Variants in MGRN1 observed in about 807,000 individuals in gnomAD.
MGRN1 encodes mahogunin ring finger 1.
In MGRN1, 29 loss-of-function variants were observed where a neutral mutation model predicts 69.2. That is an observed-to-expected ratio of 0.42 (90% CI 0.31 to 0.57). MGRN1 has a LOEUF of 0.57. Among genes scored for constraint, MGRN1 ranks in the 20% least tolerant of loss-of-function variants. MGRN1 has a pLI of 0.15. For synonymous variants in MGRN1, 470 were observed against 344.2 expected, an observed-to-expected ratio of 1.37 and a Z score of -4.04; for missense variants, 998 against 796.2, an observed-to-expected ratio of 1.25 and a Z score of -3.05.
intron 1 of MGRN1, among the ~76,000 whole-genome samples, chr16:4,627,517 G>A (rs1897738115): frequency 2.0e-5 from 3 of 152,272 alleles, no homozygotes; most frequent in Admixed American, 1.3e-4. Context: ...GCCAGGCGCG[G>A]TGGCTCACGC....
intron 8 of MGRN1, among the ~76,000 whole-genome samples, chr16:4,668,943 CACATAT>C (rs1449451761): frequency 6.6e-6 from 1 of 152,148 alleles, no homozygotes; most frequent in Non-Finnish European, 1.5e-5. Flanking sequence ...ATCACTTGCA[CACATAT>C]ACATAGACAC....
intron 13 of MGRN1, among the ~76,000 whole-genome samples, chr16:4,682,509 C>T (rs2079210387): frequency 1.3e-5 from 2 of 152,210 alleles, no homozygotes; most frequent in African/African-American, 2.4e-5. Flanking sequence ...GAAACGGGGG[C>T]CTCTGTCTCC....
chr16:4,670,435 G>T (rs986450342), intron 8 of MGRN1, among the ~76,000 whole-genome samples: 3 of 152,178 alleles, frequency 2.0e-5, no homozygotes, highest in Non-Finnish European at 4.4e-5. Flanking sequence ...TAGAGATGAG[G>T]TTTTGCCATG....
At chr16:4,654,147 C>T (rs927877850) in intron 4 of MGRN1, among the ~76,000 whole-genome samples, 1 of 152,120 alleles carries the variant, frequency 6.6e-6, no homozygotes, top group African/African-American at 2.4e-5. Flanking sequence ...CAGCCAGCCA[C>T]CTCCAGGAGC....
At chr16:4,664,679 C>G (rs376152509) in intron 5 of MGRN1, 30 bp from the exon 6 acceptor site, 2 of 1,613,472 alleles carry the variant, frequency 1.2e-6, no homozygotes, top group South Asian at 1.1e-5. Flanking sequence ...CTGTGTGGGT[C>G]CTGACCATTC....
intron 8 of MGRN1, 124 bp downstream of exon 8, chr16:4,668,436 C>A: frequency 2.2e-6 from 2 of 918,646 alleles, no homozygotes; most frequent in Non-Finnish European, 1.6e-6. Context: ...CACGCTCATA[C>A]ACACTCATAC....
At chr16:4,626,148 C>A (rs1403134756) in intron 1 of MGRN1, among the ~76,000 whole-genome samples, 2 of 152,236 alleles carry the variant, frequency 1.3e-5, no homozygotes, top group African/African-American at 4.8e-5. Flanking sequence ...TAAGGTGTGA[C>A]TAGGTGAGGG....
At chr16:4,683,695 G>A (rs550190052) in intron 15 of MGRN1, 148 bp from the exon 16 acceptor site, 3 of 630,970 alleles carry the variant, frequency 4.8e-6, no homozygotes, top group Admixed American at 2.9e-5. Flanking sequence ...AGCAGGTGGG[G>A]TCACGGTGGA....
At chr16:4,644,305 GTTT>G (rs79613493) in intron 1 of MGRN1, among the ~76,000 whole-genome samples, 6 of 107,596 alleles carry the variant, frequency 5.6e-5, no homozygotes, top group Admixed American at 9.7e-5. Context: ...TCAATTACCA[GTTT>G]TTTTTTTTTT....
chr16:4,676,526 G>A (rs778086799), intron 10 of MGRN1, among the ~76,000 whole-genome samples: 61 of 152,224 alleles, frequency 4.0e-4, no homozygotes, highest in African/African-American at 1.3e-3. Flanking sequence ...CCTCAAGGAC[G>A]TGGCGGTAGA....
In MGRN1 at chr16:4,665,022, G is replaced by T. The variant is rs550331147; in HGVS notation, c.629-80G>T. 7 of 1,529,574 alleles carry T rather than the reference G, an allele frequency of 4.6e-6. No homozygotes were observed. In the South Asian group the frequency reaches 7.9e-5, roughly 17 times the overall value. The allele number at this position is 1,529,574 out of a possible 1,614,324, so 94.8% of individuals were successfully genotyped here. On this transcript the variant is annotated intron_variant, in intron 6 of 16. Transcript: ENST00000262370. ...GCAGGCTGAGCCCTCGGTGCCGCAG[G>T]CCTACCAGGGTCGGGGAGGTGAGAT...
intron 1 of MGRN1, among the ~76,000 whole-genome samples, chr16:4,626,322 A>G (rs2141808090): frequency 6.6e-6 from 1 of 152,244 alleles, no homozygotes; most frequent in Non-Finnish European, 1.5e-5. Context: ...GGGTGGTTCC[A>G]CCCTGGGGTT....
chr16:4,688,574 C>G (rs2079387864), intron 16 of MGRN1: 11 of 1,293,340 alleles, frequency 8.5e-6, no homozygotes, highest in Non-Finnish European at 8.8e-6. Context: ...GTCCGGGGAT[C>G]TGGGATCGTC....
At chr16:4,676,294 T>C (rs2079051586) in intron 10 of MGRN1, among the ~76,000 whole-genome samples, 1 of 150,838 alleles carries the variant, frequency 6.6e-6, no homozygotes. Flanking sequence ...GACCAGGAAG[T>C]GGGGGCAGGG....
intron 11 of MGRN1, 74 bp from the exon 12 acceptor site, chr16:4,679,958 G>C: frequency 1.4e-6 from 2 of 1,409,984 alleles, no homozygotes; most frequent in Admixed American, 1.8e-5. Context: ...AGGACAGCCA[G>C]TCAGACCTGT....
At position 4,632,416 on chromosome 16, in the gene MGRN1, C is replaced by T. The variant is rs4134431; in HGVS notation, c.88+7368C>T. Among the ~76,000 whole-genome samples the T allele has an allele frequency of 3.0e-3, 444 of 150,336 alleles. 2 individuals carry two copies. The highest frequency in any genetic ancestry group is 0.021 in the East Asian group (106 of 4,970). On this transcript the variant is annotated intron_variant, in intron 1 of 16. Transcript: ENST00000262370. ...TTTGTTTGTTTGTTTGTTTTTGAGA[C>T]GGAGTCTTGCTCTGTCGCCCAGGCT...
At chr16:4,673,682 G>T in intron 10 of MGRN1, 25 bp downstream of exon 10, 3 of 1,609,828 alleles carry the variant, frequency 1.9e-6, no homozygotes, top group South Asian at 1.1e-5. Flanking sequence ...CGGCTGTTCT[G>T]TGGAAGGTTC....
intron 10 of MGRN1, among the ~76,000 whole-genome samples, chr16:4,675,707 C>G (rs2079039113): frequency 6.7e-6 from 1 of 149,998 alleles, no homozygotes; most frequent in South Asian, 2.1e-4. Flanking sequence ...GCACCCCCGC[C>G]TGAGAGACAG....
In MGRN1 at chr16:4,689,221, G is replaced by A. The variant is rs1344153766; in HGVS notation, c.*313G>A. 3.2e-5 allele frequency: 10 copies of A among 308,602 alleles called. No homozygotes were observed. Among genetic ancestry groups the A allele is most frequent in the Non-Finnish European group, 5.4e-5 (9 of 167,182 alleles). The allele number at this position is 308,602 out of a possible 1,614,324, so 19.1% of individuals were successfully genotyped here. ...CTGGGGCTGCCCACGTGTGGCCTCCGCTGGCTCTGCCTGCTCCTGCAACAG... is the reference window on the plus strand; with the variant it reads ...CTGGGGCTGCCCACGTGTGGCCTCCACTGGCTCTGCCTGCTCCTGCAACAG... On this transcript the variant is annotated 3_prime_UTR_variant, in exon 17 of 17. Coordinates refer to ENST00000262370, the MANE Select transcript of MGRN1 (RefSeq NM_015246.4).
Sources: allele counts gnomAD v4.1 joint callset (sites outside exome capture counted in the v4.1 genomes callset), GRCh38; gene constraint gnomAD v4.1.1; transcripts MANE v1.5; gene names NCBI Gene and HGNC (gene_info 2026-07-23, HGNC 2026-07-21).